Variants in KSR2 observed in about 807,000 individuals in gnomAD.
The protein encoded by KSR2 is kinase suppressor of ras 2.
In KSR2, 25 loss-of-function variants were observed where a neutral mutation model predicts 107.8. That is an observed-to-expected ratio of 0.23 (90% CI 0.17 to 0.32). KSR2 has a LOEUF of 0.32. Among genes scored for constraint, KSR2 ranks in the 10% least tolerant of loss-of-function variants. The pLI is 1.00. For synonymous variants in KSR2, 480 were observed against 507.0 expected (o/e 0.95, Z 0.71); for missense variants, 887 against 1,268.9 (o/e 0.70, Z 4.57).
chr12:117,915,257 T>C (rs1399081505), intron 1 of KSR2, among the ~76,000 whole-genome samples: 1 of 152,220 alleles, frequency 6.6e-6, no homozygotes, highest in Non-Finnish European at 1.5e-5. Context: ...GGTCAGGTTC[T>C]GGAGAGGGTC....
chr12:117,657,554 T>A (rs1884238676), intron 5 of KSR2, among the ~76,000 whole-genome samples: 1 of 152,148 alleles, frequency 6.6e-6, no homozygotes, highest in Non-Finnish European at 1.5e-5. Flanking sequence ...TCGGGGGCAG[T>A]TTTTCTTGGA....
At chr12:117,877,580 T>C (rs1349723111) in intron 1 of KSR2, among the ~76,000 whole-genome samples, 3 of 152,186 alleles carry the variant, frequency 2.0e-5, no homozygotes, top group Non-Finnish European at 1.5e-5. Context: ...GCTTTATGAA[T>C]ATTATCTAAT....
At chr12:117,834,067 G>A (rs1013268280) in intron 3 of KSR2, among the ~76,000 whole-genome samples, 1 of 151,890 alleles carries the variant, frequency 6.6e-6, no homozygotes, top group African/African-American at 2.4e-5. Context: ...CTTGAGCCTG[G>A]CAGGCAAAGG....
intron 9 of KSR2, among the ~76,000 whole-genome samples, chr12:117,540,676 G>A (rs1230234469): frequency 6.6e-6 from 1 of 151,464 alleles, no homozygotes; most frequent in East Asian, 1.9e-4. Context: ...ATATGGAGAG[G>A]AAAGTCATGT....
At chr12:117,558,409 A>C in intron 8 of KSR2, 97 bp downstream of exon 8, 1 of 810,194 alleles carries the variant, frequency 1.2e-6, no homozygotes, top group South Asian at 1.4e-5. Flanking sequence ...GGGGATCAAG[A>C]GGTATTCAGA....
intron 5 of KSR2, among the ~76,000 whole-genome samples, chr12:117,646,724 G>GCC (rs1334882769): frequency 6.6e-6 from 1 of 152,070 alleles, no homozygotes; most frequent in African/African-American, 2.4e-5. Context: ...TCTGCCATCT[G>GCC]CCCCCTCCTT....
intron 4 of KSR2, among the ~76,000 whole-genome samples, chr12:117,756,753 T>A (rs1888805494): frequency 1.3e-5 from 2 of 152,114 alleles, no homozygotes; most frequent in African/African-American, 4.8e-5. Context: ...CTGGGAAAAG[T>A]AAAATAAAAA....
intron 5 of KSR2, among the ~76,000 whole-genome samples, chr12:117,622,744 C>A (rs758563159): frequency 7.9e-5 from 12 of 152,142 alleles, no homozygotes; most frequent in African/African-American, 2.7e-4. Flanking sequence ...GTCATTTACT[C>A]CACTTTTAGG....
chr12:117,695,780 C>T (rs1318299645), intron 4 of KSR2, among the ~76,000 whole-genome samples: 2 of 151,634 alleles, frequency 1.3e-5, no homozygotes, highest in Admixed American at 1.3e-4. Context: ...GGGGATAACC[C>T]ACTCTCTGAT....
At chr12:117,794,562 C>CAT (rs201317530) in intron 3 of KSR2, among the ~76,000 whole-genome samples, 3 of 148,540 alleles carry the variant, frequency 2.0e-5, no homozygotes, top group African/African-American at 5.0e-5. Flanking sequence ...AACATGCACA[C>CAT]ACACCAACAT....
Position 117,968,889 on chromosome 12 carries a change from C to CGT in KSR2, c.-635_-634insAC, listed in dbSNP as rs1210539759. The CGT allele has an allele frequency of 9.2e-5, 23 of 250,146 alleles. No homozygotes were observed. The highest frequency in any genetic ancestry group is 2.4e-3 in the Middle Eastern group (2 of 834). 15.5% of individuals were successfully genotyped at this position (250,146 alleles called of 1,614,324 possible). ...CTGCGGCTGGCTGCTGTCTCCTCCC[C>CGT]GCGCTGCTGCTGCTGCTGCTGCTGC... On this transcript the variant is annotated 5_prime_UTR_variant, in exon 1 of 20. It introduces an in-frame stop codon into an upstream open reading frame of the 5' UTR. Transcript: ENST00000339824.
chr12:117,489,148 T>TTG (rs149009044), intron 14 of KSR2, among the ~76,000 whole-genome samples: 3,068 of 148,972 alleles, frequency 0.021, 95 homozygotes, highest in African/African-American at 0.069. Context: ...GTGATGGCCC[T>TTG]TGTGTGTGTG....
chr12:117,677,980 G>T (rs1263163777), intron 4 of KSR2, among the ~76,000 whole-genome samples: 1 of 152,124 alleles, frequency 6.6e-6, no homozygotes, highest in Admixed American at 6.5e-5. Flanking sequence ...TGTTGACCAG[G>T]CTGCAGGGCA....
intron 4 of KSR2, among the ~76,000 whole-genome samples, chr12:117,693,111 C>T (rs529078399): frequency 2.1e-4 from 32 of 152,218 alleles, no homozygotes; most frequent in African/African-American, 6.3e-4. Flanking sequence ...AATGAGGAGG[C>T]GGGATGGTTG....
intron 3 of KSR2, among the ~76,000 whole-genome samples, chr12:117,793,817 CAT>C (rs1890421993): frequency 6.9e-6 from 1 of 145,622 alleles, no homozygotes; most frequent in Admixed American, 6.8e-5. Context: ...CACACACCAA[CAT>C]GCACACTCAC....
intron 3 of KSR2, among the ~76,000 whole-genome samples, chr12:117,830,334 A>G (rs1261599039): frequency 2.0e-5 from 3 of 151,994 alleles, no homozygotes; most frequent in African/African-American, 7.2e-5. Flanking sequence ...TGGGAACAAA[A>G]GGCACAGGGG....
chr12:117,911,658 C>T (rs1035667874), intron 1 of KSR2, among the ~76,000 whole-genome samples: 6 of 152,036 alleles, frequency 3.9e-5, no homozygotes, highest in Non-Finnish European at 5.9e-5. Context: ...CTTAGAAGCC[C>T]ATGTCCTGAT....
chr12:117,670,798 G>A (rs1289314236), intron 4 of KSR2, among the ~76,000 whole-genome samples: 1 of 152,186 alleles, frequency 6.6e-6, no homozygotes, highest in South Asian at 2.1e-4. Context: ...GAGAGTCCCT[G>A]TTCAGTGGCC....
intron 3 of KSR2, among the ~76,000 whole-genome samples, chr12:117,835,263 A>G (rs1892153826): frequency 1.3e-5 from 2 of 152,098 alleles, no homozygotes; most frequent in Admixed American, 1.3e-4. Flanking sequence ...AAACTGATGG[A>G]AGTTTTAACA....
Sources: allele counts gnomAD v4.1 joint callset (sites outside exome capture counted in the v4.1 genomes callset), GRCh38; gene constraint gnomAD v4.1.1; transcripts MANE v1.5; gene names NCBI Gene and HGNC (gene_info 2026-07-23, HGNC 2026-07-21).